Variants in METTL17 observed in about 807,000 individuals in gnomAD.
METTL17 encodes the protein ribosome assembly protein METTL17, mitochondrial.
Under a neutral mutation model 59.4 loss-of-function variants are expected in METTL17, and 49 were observed. The ratio of observed to expected loss-of-function variants is 0.82; its 90% confidence interval spans 0.66 to 1.05. The LOEUF is 1.05. Ranked by LOEUF, METTL17 falls within the 50% of genes least tolerant of loss-of-function variation. The pLI, the probability that METTL17 is intolerant of heterozygous loss-of-function variation, is 0.00. For synonymous variants in METTL17, 208 were observed against 209.2 expected (o/e 0.99, Z 0.05); for missense variants, 555 against 578.4 (o/e 0.96, Z 0.41).
intron 6 of METTL17, 175 bp downstream of exon 6, chr14:20,993,366 G>A: frequency 2.0e-6 from 1 of 496,938 alleles, no homozygotes. Flanking sequence ...ATTGGGGCCA[G>A]AACTTAAAAG....
At chr14:20,996,349 A>G (rs2138742910) in intron 12 of METTL17, 57 bp downstream of exon 12, 1 of 1,572,708 alleles carries the variant, frequency 6.4e-7, no homozygotes. Context: ...ACAGGAAGAA[A>G]AAGAATCAGA....
chr14:20,996,862 C>A lies in METTL17; in HGVS notation c.1343C>A (p.Ser448Tyr). 1.2e-6 allele frequency: 2 copies of A among 1,612,582 alleles called. No individual in the cohort carries two copies. The highest frequency in any genetic ancestry group is 1.7e-6 in the Non-Finnish European group (2 of 1,179,398). ...CTTACTCCGTCTGCGTTTCCTCCAT[C>A]TACGGCTCAGGATCCCTCTGAGAGT... ...PVLTPSAFPPSTAQDPSES is the reference protein window; with the variant it reads ...PVLTPSAFPPYTAQDPSES Residue 448 changes from serine to tyrosine, a missense_variant, in exon 14 of 14, where the codon TCT (serine) becomes TAT (tyrosine). By Grantham distance (144) the Ser-to-Tyr change is moderately radical (BLOSUM62 -2). Transcript: ENST00000339374.
chr14:20,993,063 A>G, intron 5 of METTL17, 55 bp from the exon 6 acceptor site: 1 of 1,464,936 alleles, frequency 6.8e-7, no homozygotes, highest in Non-Finnish European at 9.6e-7. Context: ...ACATTTATCA[A>G]GGTCCTAAAT....
rs1386952494 is a variant in METTL17 at position 20,996,235 on chromosome 14, G to C, written c.1023G>C (p.Gln341His). Residue 341 changes from glutamine to histidine, a missense_variant, in exon 12 of 14, where the codon CAG (glutamine) becomes CAC (histidine). By Grantham distance (24) the Gln-to-His change is conservative. Coordinates refer to ENST00000339374, the MANE Select transcript of METTL17 (RefSeq NM_022734.3). ...APCPHELPCP[Q>H]LTNLACSFSQ... Reference sequence around the variant, plus strand: ...GTCCCCATGAACTCCCTTGTCCCCAGTTGACCAACCTGGCCTGTAGCTTCT... The same window carrying C: ...GTCCCCATGAACTCCCTTGTCCCCACTTGACCAACCTGGCCTGTAGCTTCT... The C allele has an allele frequency of 6.2e-7, 1 of 1,614,084 alleles. No individual in the cohort carries two copies. Among genetic ancestry groups the C allele is most frequent in the South Asian group, 1.1e-5 (1 of 91,076 alleles).
At chr14:20,994,512 C>CA in intron 7 of METTL17, 31 bp from the exon 8 acceptor site, 1 of 1,579,842 alleles carries the variant, frequency 6.3e-7, no homozygotes, top group African/African-American at 1.3e-5. Flanking sequence ...ACTTCCTACA[C>CA]ACTCACAGTT....
intron 11 of METTL17, 59 bp downstream of exon 11, chr14:20,996,010 A>G (rs899047515): frequency 2.5e-5 from 39 of 1,575,250 alleles, no homozygotes; most frequent in Non-Finnish European, 3.2e-5. Context: ...TGGCCGGGAA[A>G]TGTAAGATGG....
intron 4 of METTL17, 89 bp downstream of exon 4, chr14:20,992,294 ATTTTC>A (rs1375042428): frequency 1.2e-6 from 1 of 848,868 alleles, no homozygotes; most frequent in Non-Finnish European, 1.9e-6. Flanking sequence ...TCAATTTAGT[ATTTTC>A]TTTTATATCA....
chr14:20,993,359 G>A, intron 6 of METTL17, 168 bp downstream of exon 6: 1 of 560,622 alleles, frequency 1.8e-6, no homozygotes, highest in Non-Finnish European at 3.2e-6. Context: ...TATATGGATT[G>A]GGGCCAGAAC....
At chr14:20,995,551 G>A (rs562776184) in intron 10 of METTL17, among the ~76,000 whole-genome samples, 10 of 152,258 alleles carry the variant, frequency 6.6e-5, no homozygotes, top group East Asian at 1.9e-4. Flanking sequence ...GAAACTTTGC[G>A]GACTCCTAAT....
chr14:20,991,576 G>A (rs1305711241), intron 3 of METTL17, among the ~76,000 whole-genome samples: 2 of 151,928 alleles, frequency 1.3e-5, no homozygotes. Flanking sequence ...TGTTGCCCAG[G>A]CTATAGTGCA....
At chr14:20,996,407 C>T in intron 12 of METTL17, 115 bp downstream of exon 12, 2 of 1,460,574 alleles carry the variant, frequency 1.4e-6, no homozygotes, top group East Asian at 4.5e-5. Flanking sequence ...GACTTTAGGG[C>T]CTACATGTAT....
At position 20,990,372 on chromosome 14, in the gene METTL17, T is replaced by C; in HGVS notation, c.218T>C (p.Leu73Ser). 1 of 1,614,036 alleles carries C rather than the reference T, an allele frequency of 6.2e-7. No homozygotes were observed. Among genetic ancestry groups the C allele is most frequent in the African/African-American group, 1.3e-5 (1 of 75,022 alleles). ...CAGGCACTGGCTAACGGTGCCCAGT[T>C]ATTGCTACTTGGTGAGTAACGGCGG... is the stretch of plus-strand genomic sequence containing the variant. Reference protein sequence around the residue: ...LPQALANGAQLLLLGSAGPTM... With the variant: ...LPQALANGAQSLLLGSAGPTM... Residue 73 changes from leucine (L) to serine (S), a missense_variant, in exon 2 of 14, where the codon TTA (leucine) becomes TCA (serine). By Grantham distance (145) the Leu-to-Ser change is moderately radical. Transcript: ENST00000339374.
chr14:20,991,369 G>A (rs997208358), intron 3 of METTL17, among the ~76,000 whole-genome samples: 6 of 152,068 alleles, frequency 3.9e-5, no homozygotes, highest in African/African-American at 1.4e-4. Flanking sequence ...CTGGCTCACA[G>A]TAGTTCAGTA....
At chr14:20,993,681 G>A (rs56390589) in intron 6 of METTL17, 12,385 of 235,828 alleles carry the variant, frequency 0.053, 472 homozygotes, top group Middle Eastern at 0.083. Flanking sequence ...CACCATATTG[G>A]CCAGGCTGGT....
intron 12 of METTL17, 66 bp from the exon 13 acceptor site, chr14:20,996,461 A>T: frequency 6.4e-7 from 1 of 1,551,542 alleles, no homozygotes. Flanking sequence ...ATGGGGAAGA[A>T]GGGACTGTAC....
At chr14:20,991,528 T>TAA (rs770362804) in intron 3 of METTL17, among the ~76,000 whole-genome samples, 2 of 135,122 alleles carry the variant, frequency 1.5e-5, no homozygotes, top group Non-Finnish European at 3.4e-5. Flanking sequence ...GCCTACCCTT[T>TAA]AAAAAAAATT....
intron 6 of METTL17, 131 bp downstream of exon 6, chr14:20,993,322 C>A: frequency 1.3e-6 from 1 of 768,540 alleles, no homozygotes. Context: ...ATGTTTCTTC[C>A]ATCAGATTAG....
intron 6 of METTL17, 76 bp from the exon 7 acceptor site, chr14:20,993,893 G>T: frequency 1.1e-6 from 1 of 935,776 alleles, no homozygotes; most frequent in South Asian, 1.5e-5. Context: ...GGGTGGGGTT[G>T]GGTGTAAATG....
intron 10 of METTL17, 143 bp downstream of exon 10, chr14:20,995,376 G>A: frequency 1.4e-6 from 1 of 726,276 alleles, no homozygotes. Context: ...ACAGAGCAGT[G>A]GTTGGCAAAT....
Sources: gnomAD v4.1 joint callset for allele counts (sites outside exome capture counted in the v4.1 genomes callset) on GRCh38, gnomAD v4.1.1 for gene constraint, MANE v1.5 for transcripts, NCBI Gene and HGNC (gene_info 2026-07-23, HGNC 2026-07-21) for gene names.